Variants in SPTLC2 observed in about 807,000 individuals in gnomAD.
The protein encoded by SPTLC2 is serine palmitoyltransferase 2.
A neutral mutation model predicts 62.0 loss-of-function variants in SPTLC2; 21 were observed. The observed-to-expected ratio is 0.34, with a 90% CI of 0.24 to 0.49. The LOEUF is 0.49. Ranked by LOEUF, SPTLC2 falls within the 20% of genes least tolerant of loss-of-function variation. SPTLC2 has a pLI of 0.99. For missense variants in SPTLC2, 511 were observed against 713.0 expected, an observed-to-expected ratio of 0.72 and a Z score of 3.23; for synonymous variants, 261 against 261.8, an observed-to-expected ratio of 1.00 and a Z score of 0.03.
At chr14:77,575,748 G>A (rs1306968390) in intron 4 of SPTLC2, among the ~76,000 whole-genome samples, 1 of 152,104 alleles carries the variant, frequency 6.6e-6, no homozygotes, top group Non-Finnish European at 1.5e-5. Context: ...GCTCAGACTG[G>A]TCTCGAACTC....
chr14:77,607,112 T>C (rs1032004556), intron 1 of SPTLC2, among the ~76,000 whole-genome samples: 1 of 152,128 alleles, frequency 6.6e-6, no homozygotes. Flanking sequence ...GATGTAAATA[T>C]AAAAGGAAGT....
intron 2 of SPTLC2, among the ~76,000 whole-genome samples, chr14:77,583,957 G>C (rs899189745): frequency 6.6e-6 from 1 of 152,138 alleles, no homozygotes; most frequent in African/African-American, 2.4e-5. Flanking sequence ...TGTAAGGAGA[G>C]GGAAAACAAT....
At chr14:77,563,750 T>C (rs956519877) in intron 5 of SPTLC2, among the ~76,000 whole-genome samples, 7 of 152,104 alleles carry the variant, frequency 4.6e-5, no homozygotes, top group African/African-American at 1.7e-4. Context: ...TGCTCCATAT[T>C]TGGTTGAAAA....
intron 8 of SPTLC2, among the ~76,000 whole-genome samples, chr14:77,552,916 G>C (rs2079563341): frequency 6.6e-6 from 1 of 151,764 alleles, no homozygotes; most frequent in African/African-American, 2.4e-5. Context: ...CACAGAAAAT[G>C]TCATCTGCAG....
chr14:77,560,050 C>A (rs2079606293), intron 6 of SPTLC2, among the ~76,000 whole-genome samples: 1 of 151,770 alleles, frequency 6.6e-6, no homozygotes, highest in African/African-American at 2.4e-5. Context: ...AGTAAAAATG[C>A]AAAAAGTTGT....
intron 1 of SPTLC2, among the ~76,000 whole-genome samples, chr14:77,601,301 G>T (rs1049040729): frequency 3.4e-4 from 51 of 151,992 alleles, no homozygotes; most frequent in Admixed American, 3.3e-3. Flanking sequence ...CACCCTAACC[G>T]ATCAATGTAC....
At chr14:77,570,536 AT>A (rs762475387) in intron 4 of SPTLC2, 28 bp from the exon 5 acceptor site, 45 of 1,591,984 alleles carry the variant, frequency 2.8e-5, no homozygotes, top group Non-Finnish European at 1.5e-5. Flanking sequence ...TAAAGTCAGT[AT>A]CACAAAATCC....
intron 2 of SPTLC2, among the ~76,000 whole-genome samples, chr14:77,579,639 G>A (rs1025679858): frequency 3.3e-5 from 5 of 152,068 alleles, no homozygotes; most frequent in East Asian, 1.9e-4. Context: ...CCAGCTACTC[G>A]GGAGGCTGAG....
intron 8 of SPTLC2, among the ~76,000 whole-genome samples, chr14:77,552,721 G>T (rs1193445931): frequency 3.3e-5 from 5 of 150,616 alleles, no homozygotes; most frequent in Non-Finnish European, 7.4e-5. Flanking sequence ...CAGGAGAATC[G>T]CTTGAACCTA....
intron 6 of SPTLC2, among the ~76,000 whole-genome samples, chr14:77,559,641 G>A (rs1293809415): frequency 1.3e-5 from 2 of 152,184 alleles, no homozygotes; most frequent in Admixed American, 1.3e-4. Context: ...TGTAATCCCA[G>A]CATTTTGGGA....
intron 4 of SPTLC2, among the ~76,000 whole-genome samples, chr14:77,576,489 G>T (rs2079716506): frequency 6.6e-6 from 1 of 152,154 alleles, no homozygotes; most frequent in African/African-American, 2.4e-5. Flanking sequence ...AAAAGCCAAT[G>T]AAATCAACAT....
chr14:77,602,618 T>C (rs1342774349), intron 1 of SPTLC2, among the ~76,000 whole-genome samples: 2 of 151,856 alleles, frequency 1.3e-5, no homozygotes, highest in African/African-American at 4.8e-5. Context: ...GGTGTGATCA[T>C]GGCTTACTGC....
chr14:77,549,832 A>G (rs995697007), intron 9 of SPTLC2, among the ~76,000 whole-genome samples: 8 of 152,196 alleles, frequency 5.3e-5, no homozygotes, highest in African/African-American at 1.9e-4. Flanking sequence ...TTTAGTACAG[A>G]TAAGTCATTT....
intron 9 of SPTLC2, among the ~76,000 whole-genome samples, chr14:77,532,338 T>C (rs148193351): frequency 2.4e-3 from 368 of 152,296 alleles, no homozygotes; most frequent in African/African-American, 8.6e-3. Flanking sequence ...ATCCTGGTAA[T>C]AAAAATATTC....
intron 9 of SPTLC2, among the ~76,000 whole-genome samples, chr14:77,536,520 C>G (rs1442459303): frequency 6.6e-6 from 1 of 152,050 alleles, no homozygotes; most frequent in Non-Finnish European, 1.5e-5. Context: ...TTCTGCACCT[C>G]TTATGACAAT....
At chr14:77,558,040 T>G (rs2079594274) in intron 6 of SPTLC2, among the ~76,000 whole-genome samples, 1 of 143,078 alleles carries the variant, frequency 7.0e-6, no homozygotes, top group Admixed American at 7.4e-5. Context: ...GGAGACATCC[T>G]ATCATAAAAT....
Position 77,521,494 on chromosome 14 carries a change from T to G in SPTLC2, c.1391A>C (p.Glu464Ala). The G allele has an allele frequency of 6.2e-7, 1 of 1,614,196 alleles. No homozygotes were observed. Among genetic ancestry groups the G allele is most frequent in the Non-Finnish European group, 8.5e-7 (1 of 1,180,026 alleles). The stretch of plus-strand genomic sequence containing the variant: ...CATCAAAGGCACTACTGGAGAGTCT[T>G]CATTTCCATAGATGATGAAGCCCAT... ...KEMGFIIYGNEDSPVVPLMLY... is the reference protein window; with the variant it reads ...KEMGFIIYGNADSPVVPLMLY... The change falls in exon 10 of 12, where the codon GAA becomes GCA. Residue 464 changes from glutamate to alanine, a missense_variant. By Grantham distance (107) the Glu-to-Ala change is moderately radical. Transcript: ENST00000216484.
At chr14:77,592,791 G>A (rs2079825534) in intron 2 of SPTLC2, among the ~76,000 whole-genome samples, 1 of 151,932 alleles carries the variant, frequency 6.6e-6, no homozygotes. Flanking sequence ...GTATCCATAT[G>A]TTCTCATCAT....
chr14:77,581,078 G>C (rs998389192), intron 2 of SPTLC2, among the ~76,000 whole-genome samples: 3 of 152,076 alleles, frequency 2.0e-5, no homozygotes, highest in Non-Finnish European at 2.9e-5. Flanking sequence ...GAATGTAAAG[G>C]GTAAACCAAA....
Sources: allele counts gnomAD v4.1 joint callset (sites outside exome capture counted in the v4.1 genomes callset), GRCh38; gene constraint gnomAD v4.1.1; transcripts MANE v1.5; gene names NCBI Gene and HGNC (gene_info 2026-07-23, HGNC 2026-07-21).